Variants in FRMD4B observed in about 807,000 individuals in gnomAD.
The protein encoded by FRMD4B is FERM domain containing 4B.
FRMD4B carries 74 observed loss-of-function variants against 141.5 expected under a neutral mutation model. That is an observed-to-expected ratio of 0.52 (90% confidence interval 0.43 to 0.63). FRMD4B has a LOEUF of 0.63. Among genes scored for constraint, FRMD4B ranks in the 30% least tolerant of loss-of-function variants. The pLI is 0.00. For missense variants in FRMD4B, 1,366 were observed against 1,253.4 expected (o/e 1.09, Z -1.36); for synonymous variants, 506 against 467.9 (o/e 1.08, Z -1.05).
chr3:69,477,054 T>G (rs886401644), intron 1 of FRMD4B, among the ~76,000 whole-genome samples: 4 of 152,230 alleles, frequency 2.6e-5, no homozygotes, highest in Admixed American at 2.6e-4. Context: ...ACATTGATTT[T>G]GTATCCTGAG....
intron 20 of FRMD4B, 109 bp downstream of exon 20, chr3:69,182,489 G>T (rs1235233817): frequency 2.0e-6 from 2 of 997,758 alleles, no homozygotes; most frequent in Admixed American, 5.5e-5. Context: ...ATAAAACAAG[G>T]TCCTGCTACA....
chr3:69,185,594 G>C (rs939211273), intron 19 of FRMD4B, among the ~76,000 whole-genome samples: 2 of 152,122 alleles, frequency 1.3e-5, no homozygotes, highest in African/African-American at 4.8e-5. Flanking sequence ...TTTACTAGTT[G>C]ATGAACCCAA....
intron 1 of FRMD4B, among the ~76,000 whole-genome samples, chr3:69,345,707 T>C (rs1305160128): frequency 6.6e-6 from 1 of 152,206 alleles, no homozygotes; most frequent in East Asian, 1.9e-4. Flanking sequence ...CTGCTGCTGA[T>C]ACTCAGGCAA....
chr3:69,316,446 CAA>C (rs924289584), intron 1 of FRMD4B, among the ~76,000 whole-genome samples: 1 of 149,170 alleles, frequency 6.7e-6, no homozygotes, highest in African/African-American at 2.5e-5. Context: ...GTAATTTACT[CAA>C]AGTTACATAG....
intron 7 of FRMD4B, among the ~76,000 whole-genome samples, chr3:69,238,615 C>T (rs1446873276): frequency 6.6e-6 from 1 of 152,138 alleles, no homozygotes; most frequent in Non-Finnish European, 1.5e-5. Context: ...GAAATCTCAT[C>T]TCTATGGAAA....
chr3:69,353,601 A>G, intron 1 of FRMD4B: 1 of 985,354 alleles, frequency 1.0e-6, no homozygotes, highest in Non-Finnish European at 1.2e-6. Flanking sequence ...GCTTAAGACA[A>G]AAGACACACG....
rs187321039 is a variant in FRMD4B at position 69,456,761 on chromosome 3, G to C, written c.-128-24000C>G. ...AAAAAAAAAAAAAAAGCATATGTCT[G>C]TACATTATTAGTGCTTTCCTCTAGA... On this transcript the variant is annotated intron_variant, in intron 1 of 5. Transcript: ENST00000459638. Among the ~76,000 whole-genome samples, 35 of 150,086 alleles carry C rather than the reference G, an allele frequency of 2.3e-4. 1 individual carries two copies. The East Asian group carries it at 6.6e-3, about 28-fold the overall frequency.
intron 1 of FRMD4B, among the ~76,000 whole-genome samples, chr3:69,342,145 G>T (rs1315109015): frequency 1.3e-5 from 2 of 152,122 alleles, no homozygotes; most frequent in Non-Finnish European, 2.9e-5. Context: ...TTCCAGGAAG[G>T]CTTTTTATAA....
Position 69,171,966 on chromosome 3 carries a change from G to C in FRMD4B, c.3000C>G (p.Ile1000Met), listed in dbSNP as rs374013656. ...TTCCATCTGTACCATCCAGTTGACT[G>C]ATTTCTGTGTATTGTCTATTAAAGA... Reference protein sequence around the residue: ...LPSPSRQYTEISQLDGTDGNQ... With the variant: ...LPSPSRQYTEMSQLDGTDGNQ... Residue 1000 changes from isoleucine to methionine, a missense_variant, in exon 23 of 23, where the codon ATC becomes ATG. Ile to Met is a conservative substitution (Grantham distance 10). Transcript: ENST00000398540. 1.9e-6 allele frequency: 3 copies of C among 1,613,002 alleles called. No individual in the cohort carries two copies. The highest frequency in any genetic ancestry group is 2.5e-6 in the Non-Finnish European group (3 of 1,179,174).
At chr3:69,417,173 G>A (rs536706582) in intron 2 of FRMD4B, among the ~76,000 whole-genome samples, 2 of 152,316 alleles carry the variant, frequency 1.3e-5, no homozygotes, top group African/African-American at 4.8e-5. Context: ...CACCAACAGT[G>A]TAAAAGGGCT....
chr3:69,447,833 A>G (rs186939433), intron 1 of FRMD4B, among the ~76,000 whole-genome samples: 391 of 152,302 alleles, frequency 2.6e-3, no homozygotes, highest in Admixed American at 4.6e-3. Context: ...TTTGGTTTGC[A>G]TGATGTTTTT....
chr3:69,189,655 C>G (rs746758751), intron 18 of FRMD4B, among the ~76,000 whole-genome samples: 1 of 152,088 alleles, frequency 6.6e-6, no homozygotes, highest in South Asian at 2.1e-4. Flanking sequence ...TAGATACTCC[C>G]GTGAGGGCAT....
intron 1 of FRMD4B, among the ~76,000 whole-genome samples, chr3:69,502,019 A>G (rs1038375228): frequency 2.6e-5 from 4 of 152,178 alleles, no homozygotes; most frequent in Non-Finnish European, 5.9e-5. Context: ...CCACCACTCA[A>G]TGAAATATAA....
chr3:69,374,780 A>G (rs1156855842), intron 1 of FRMD4B, among the ~76,000 whole-genome samples: 1 of 152,184 alleles, frequency 6.6e-6, no homozygotes, highest in Non-Finnish European at 1.5e-5. Context: ...CCATGTGCCC[A>G]CAGTGTGTCT....
chr3:69,230,627 A>C (rs1311443741), intron 7 of FRMD4B, among the ~76,000 whole-genome samples: 1 of 152,060 alleles, frequency 6.6e-6, no homozygotes, highest in Admixed American at 6.6e-5. Flanking sequence ...GGGCACCTGT[A>C]ATCCCAGCTA....
chr3:69,322,759 G>A (rs886906647), intron 1 of FRMD4B, among the ~76,000 whole-genome samples: 1 of 151,964 alleles, frequency 6.6e-6, no homozygotes, highest in African/African-American at 2.4e-5. Flanking sequence ...ACCACACCTG[G>A]CTAACTTTTT....
chr3:69,233,171 T>C (rs2093322335), intron 7 of FRMD4B, among the ~76,000 whole-genome samples: 1 of 152,026 alleles, frequency 6.6e-6, no homozygotes, highest in Admixed American at 6.6e-5. Flanking sequence ...AAGCTTCACT[T>C]TCTAAACCTA....
At chr3:69,179,420 T>A (rs1365318494) in intron 21 of FRMD4B, among the ~76,000 whole-genome samples, 1 of 152,134 alleles carries the variant, frequency 6.6e-6, no homozygotes, top group Non-Finnish European at 1.5e-5. Context: ...GTTTCTCACA[T>A]CTTGAACTTT....
Position 69,263,817 on chromosome 3 carries a change from C to CTTTTTT in FRMD4B, c.502-13724_502-13719dup, listed in dbSNP as rs3032130. ...ATCTGACTGAATGGCAACCCCATTC[C>CTTTTTT]TTTTTTTTTTTTTTTTTTTTTTTTT... is the stretch of plus-strand genomic sequence containing the variant. On this transcript the variant is annotated intron_variant, in intron 5 of 22. Transcript: ENST00000398540. Among the ~76,000 whole-genome samples, 62 of 68,562 alleles carry CTTTTTT rather than the reference C, an allele frequency of 9.0e-4. 1 individual carries two copies. Among genetic ancestry groups the CTTTTTT allele is most frequent in the Middle Eastern group, 0.02 (1 of 50 alleles). 45.0% of individuals were successfully genotyped at this position (68,562 alleles called of 152,430 possible). A position where few individuals can be genotyped will look rare whatever the true frequency, so the allele number is the denominator to read the frequency against.
Sources: gnomAD v4.1 joint callset for allele counts (sites outside exome capture counted in the v4.1 genomes callset) on GRCh38, gnomAD v4.1.1 for gene constraint, MANE v1.5 for transcripts, NCBI Gene and HGNC (gene_info 2026-07-23, HGNC 2026-07-21) for gene names.